The following QTMAN variants were observed in gnomAD, a reference collection of about 807,000 sequenced individuals.
QTMAN encodes the protein queuosine-tRNA mannosyltransferase.
chr2:144,206,293 T>C, the QTMAN span, among the ~76,000 whole-genome samples: 1 of 152,048 alleles, frequency 6.6e-6, no homozygotes, highest in African/African-American at 2.4e-5. Flanking sequence ...ACAAAAAGAG[T>C]AACAACTGGA....
chr2:144,327,192 G>C, the QTMAN span, among the ~76,000 whole-genome samples: 1 of 152,176 alleles, frequency 6.6e-6, no homozygotes, highest in Non-Finnish European at 1.5e-5. Flanking sequence ...GGTTCCTGGA[G>C]AGAGATGCAC....
At chr2:144,179,962 T>A in the QTMAN span, among the ~76,000 whole-genome samples, 4 of 152,182 alleles carry the variant, frequency 2.6e-5, no homozygotes, top group African/African-American at 4.8e-5. Context: ...TAAAGGTGTA[T>A]CCCTATGTTT....
chr2:144,009,113 T>G, the QTMAN span, among the ~76,000 whole-genome samples: 1 of 151,966 alleles, frequency 6.6e-6, no homozygotes, highest in Non-Finnish European at 1.5e-5. Flanking sequence ...CATTATAACA[T>G]GGTGATCATA....
At chr2:144,222,208 C>T in the QTMAN span, among the ~76,000 whole-genome samples, 5 of 151,620 alleles carry the variant, frequency 3.3e-5, no homozygotes, top group Admixed American at 2.0e-4. Flanking sequence ...AACAGGCGCC[C>T]GCCACCACGC....
the QTMAN span, among the ~76,000 whole-genome samples, chr2:144,001,482 G>A: frequency 1.2e-4 from 18 of 151,740 alleles, no homozygotes; most frequent in Admixed American, 2.0e-4. Flanking sequence ...TGCAAATACC[G>A]TATAGCTCAT....
the QTMAN span, among the ~76,000 whole-genome samples, chr2:144,074,940 T>G: frequency 6.8e-3 from 1,030 of 152,312 alleles, 17 homozygotes; most frequent in African/African-American, 0.024. Flanking sequence ...GTTTCCTCCT[T>G]GAAGTACAGC....
the QTMAN span, among the ~76,000 whole-genome samples, chr2:144,040,534 AGTGAGCTATATAC>A: frequency 1.3e-5 from 2 of 152,136 alleles, no homozygotes; most frequent in Non-Finnish European, 2.9e-5. Context: ...GATCTATGCT[AGTGAGCTATATAC>A]GTCGCTAAGA....
At chr2:144,082,036 C>G in the QTMAN span, among the ~76,000 whole-genome samples, 2 of 152,088 alleles carry the variant, frequency 1.3e-5, no homozygotes, top group Non-Finnish European at 2.9e-5. Flanking sequence ...TAGAGGCTCA[C>G]ATCACCACAC....
At chr2:144,064,649 C>A in the QTMAN span, among the ~76,000 whole-genome samples, 1 of 151,944 alleles carries the variant, frequency 6.6e-6, no homozygotes, top group African/African-American at 2.4e-5. Context: ...CAGCAATGGC[C>A]AAATAGAAAT....
the QTMAN span, among the ~76,000 whole-genome samples, chr2:144,095,685 G>T: frequency 6.6e-6 from 1 of 152,084 alleles, no homozygotes; most frequent in Non-Finnish European, 1.5e-5. Context: ...TCTTAAATCT[G>T]ATTCCTTATA....
chr2:144,031,383 T>G, the QTMAN span, among the ~76,000 whole-genome samples: 4,362 of 152,136 alleles, frequency 0.029, 96 homozygotes, highest in Non-Finnish European at 0.043. Flanking sequence ...GGTGGCTACA[T>G]AGATAGTGCT....
At chr2:144,125,849 T>G in the QTMAN span, among the ~76,000 whole-genome samples, 2 of 152,010 alleles carry the variant, frequency 1.3e-5, no homozygotes, top group African/African-American at 4.8e-5. Context: ...AAAGGAATAG[T>G]AGGAAGAACA....
the QTMAN span, among the ~76,000 whole-genome samples, chr2:143,962,385 G>A: frequency 2.0e-5 from 3 of 152,090 alleles, no homozygotes; most frequent in South Asian, 6.2e-4. Context: ...TTCAGGAAAT[G>A]GCAAAGATAA....
the QTMAN span, among the ~76,000 whole-genome samples, chr2:144,248,124 G>A: frequency 2.7e-5 from 4 of 150,628 alleles, no homozygotes; most frequent in African/African-American, 5.0e-5. Flanking sequence ...AGTGTTTTAC[G>A]TAATAGTAAA....
At chr2:144,328,193 C>T in the QTMAN span, among the ~76,000 whole-genome samples, 1 of 152,108 alleles carries the variant, frequency 6.6e-6, no homozygotes, top group Non-Finnish European at 1.5e-5. Context: ...TCAGGTGATC[C>T]ACCAGTCTTG....
At chr2:144,068,342 T>A in the QTMAN span, among the ~76,000 whole-genome samples, 6 of 152,118 alleles carry the variant, frequency 3.9e-5, no homozygotes, top group Non-Finnish European at 4.4e-5. Flanking sequence ...TGATTATGAA[T>A]CCACAGTTCT....
the QTMAN span, among the ~76,000 whole-genome samples, chr2:143,975,246 C>T: frequency 2.0e-5 from 3 of 152,208 alleles, no homozygotes; most frequent in Non-Finnish European, 4.4e-5. Context: ...TTATTCGTCA[C>T]TTAACATTCA....
chr2:144,301,725 T>C, the QTMAN span, among the ~76,000 whole-genome samples: 1 of 152,192 alleles, frequency 6.6e-6, no homozygotes, highest in Non-Finnish European at 1.5e-5. Flanking sequence ...GCCCACATGC[T>C]TTCTGGAGGA....
the QTMAN span, among the ~76,000 whole-genome samples, chr2:144,204,397 C>T: frequency 6.6e-6 from 1 of 152,340 alleles, no homozygotes; most frequent in Non-Finnish European, 1.5e-5. Context: ...AAAAAATTCT[C>T]ATCATCACTG....
Sources: gnomAD v4.1 joint callset for allele counts (sites outside exome capture counted in the v4.1 genomes callset) on GRCh38, gnomAD v4.1.1 for gene constraint, MANE v1.5 for transcripts, NCBI Gene and HGNC (gene_info 2026-07-23, HGNC 2026-07-21) for gene names.